BEAN1: variants seen among roughly 807,000 people sequenced by gnomAD.
BEAN1 encodes brain expressed associated with NEDD4 1, also known as protein BEAN1.
A neutral mutation model predicts 17.7 loss-of-function variants in BEAN1; 17 were observed. The ratio of observed to expected loss-of-function variants is 0.96; its 90% CI spans 0.66 to 1.44. The LOEUF (loss-of-function observed/expected upper bound fraction) is 1.44, where lower values mean the gene tolerates loss of function less well. Ranked by LOEUF, BEAN1 falls within the 40% of genes most tolerant of loss-of-function variation. The pLI is 0.00. For missense variants in BEAN1, 359 were observed against 374.1 expected, an observed-to-expected ratio of 0.96 and a Z score of 0.33; for synonymous variants, 142 against 151.8, an observed-to-expected ratio of 0.94 and a Z score of 0.47.
exon 5 of BEAN1, chr16:66,493,419 C>T: frequency 1.6e-6 from 1 of 618,752 alleles, no homozygotes; most frequent in Non-Finnish European, 2.9e-6. Flanking sequence ...AACAGCCTCC[C>T]CAGTGGCTCT....
downstream of BEAN1, chr16:66,484,645 T>C (rs1964059818): frequency 6.6e-6 from 3 of 453,816 alleles, no homozygotes; most frequent in Non-Finnish European, 1.3e-5. The surrounding 1 kb of genome is among the most constrained non-coding windows in gnomAD (Gnocchi z 4.2). Context: ...GAGAGTTTGG[T>C]TAGGGAAGTG....
At chr16:66,491,646 T>C (rs1005561407) in intron 4 of BEAN1, among the ~76,000 whole-genome samples, 3 of 151,932 alleles carry the variant, frequency 2.0e-5, no homozygotes, top group African/African-American at 4.8e-5. Context: ...ACAGACAGGG[T>C]GGAGGGATGG....
chr16:66,431,189 G>T (rs138878514), intron 1 of BEAN1, among the ~76,000 whole-genome samples: 1 of 152,110 alleles, frequency 6.6e-6, no homozygotes, highest in African/African-American at 2.4e-5. Context: ...AGAACACCCC[G>T]GCATGGTGGC....
At chr16:66,432,916 A>T (rs1297062666) in intron 1 of BEAN1, among the ~76,000 whole-genome samples, 4 of 152,002 alleles carry the variant, frequency 2.6e-5, no homozygotes, top group Non-Finnish European at 5.9e-5. Flanking sequence ...GTATCTAACC[A>T]TCTAACAGTG....
chr16:66,447,466 C>A (rs1393483842), intron 2 of BEAN1, among the ~76,000 whole-genome samples: 1 of 152,160 alleles, frequency 6.6e-6, no homozygotes, highest in Admixed American at 6.5e-5. Context: ...TCTTTTCTTT[C>A]TTTTTCAGAG....
Position 66,489,272 on chromosome 16 carries a change from A to G in BEAN1, c.148-3690A>G, listed in dbSNP as rs991873494. ...TGCAGCATCAATAGGAAACGAATACACTTGGGTTCCAATCCCAGCTCTTGC... is the reference window on the plus strand; with the variant it reads ...TGCAGCATCAATAGGAAACGAATACGCTTGGGTTCCAATCCCAGCTCTTGC... On this transcript the variant is annotated intron_variant, in intron 4 of 4. Coordinates refer to the BEAN1 transcript ENST00000561796. Among the ~76,000 whole-genome samples the G allele has an allele frequency of 1.2e-4, 19 of 152,214 alleles. 1 individual carries two copies. Among genetic ancestry groups the G allele is most frequent in the Non-Finnish European group, 1.5e-5 (1 of 68,042 alleles).
chr16:66,449,228 G>A (rs1962574224), intron 2 of BEAN1, among the ~76,000 whole-genome samples: 1 of 151,946 alleles, frequency 6.6e-6, no homozygotes, highest in Non-Finnish European at 1.5e-5. Flanking sequence ...ACCCATGTGA[G>A]TGCACCACTG....
chr16:66,430,512 T>C (rs1249916975), intron 1 of BEAN1, among the ~76,000 whole-genome samples: 1 of 152,248 alleles, frequency 6.6e-6, no homozygotes, highest in Non-Finnish European at 1.5e-5. Flanking sequence ...TTAGATGATA[T>C]GTAATCAGTT....
intron 2 of BEAN1, among the ~76,000 whole-genome samples, chr16:66,443,499 A>G (rs1381316086): frequency 2.0e-5 from 3 of 152,186 alleles, no homozygotes; most frequent in Non-Finnish European, 2.9e-5. Context: ...ACAAGGGTGG[A>G]GCCAAATCTA....
intron 2 of BEAN1, among the ~76,000 whole-genome samples, chr16:66,449,819 C>T (rs1296627265): frequency 6.6e-6 from 1 of 152,132 alleles, no homozygotes; most frequent in Non-Finnish European, 1.5e-5. Flanking sequence ...TGTGGCATTG[C>T]TCCCATATTA....
chr16:66,474,593 G>A (rs1372930234), intron 3 of BEAN1, among the ~76,000 whole-genome samples: 383 of 16,864 alleles, frequency 0.023, 1 homozygote, highest in East Asian at 0.037. Flanking sequence ...AGGGAGGGAG[G>A]GAGGGAGGGA....
intron 3 of BEAN1, among the ~76,000 whole-genome samples, chr16:66,474,156 G>T (rs1409454790): frequency 6.6e-6 from 1 of 152,170 alleles, no homozygotes; most frequent in East Asian, 1.9e-4. Flanking sequence ...CTTTGCCTCA[G>T]GCGAGTCATC....
intron 1 of BEAN1, among the ~76,000 whole-genome samples, chr16:66,430,315 T>G (rs1015930539): frequency 1.3e-5 from 2 of 152,222 alleles, no homozygotes; most frequent in African/African-American, 4.8e-5. Flanking sequence ...ATGCATTTTC[T>G]CTTTGAATTC....
intron 2 of BEAN1, among the ~76,000 whole-genome samples, chr16:66,463,931 G>A (rs1476090670): frequency 1.3e-5 from 2 of 152,084 alleles, no homozygotes; most frequent in African/African-American, 4.8e-5. Context: ...AAAATCCACT[G>A]ACCATAAATA....
intron 1 of BEAN1, among the ~76,000 whole-genome samples, chr16:66,428,763 T>G (rs1352465334): frequency 6.6e-6 from 1 of 152,200 alleles, no homozygotes; most frequent in African/African-American, 2.4e-5. Context: ...CAGTAGATGC[T>G]GAGATTCAGT....
intron 2 of BEAN1, among the ~76,000 whole-genome samples, chr16:66,440,245 T>G (rs1962202881): frequency 6.7e-6 from 1 of 148,918 alleles, no homozygotes; most frequent in African/African-American, 2.5e-5. Flanking sequence ...TTCTCCTGAC[T>G]CAGCCTCCCA....
chr16:66,474,112 C>G (rs1158569458), intron 3 of BEAN1, among the ~76,000 whole-genome samples: 2 of 152,184 alleles, frequency 1.3e-5, no homozygotes, highest in Non-Finnish European at 2.9e-5. Context: ...TTCCTACTTC[C>G]TATGCGCATC....
chr16:66,470,416 T>TGAG (rs1226953368), intron 3 of BEAN1, among the ~76,000 whole-genome samples: 2 of 151,080 alleles, frequency 1.3e-5, no homozygotes, highest in Non-Finnish European at 2.9e-5. Context: ...GATGGATGAA[T>TGAG]GAGAAAATGG....
At position 66,434,210 on chromosome 16, in the gene BEAN1, C is replaced by T. The variant is rs1567480421; in HGVS notation, c.-82-3385C>T. On this transcript the variant is annotated intron_variant, in intron 1 of 4. Coordinates refer to ENST00000536005, the MANE Select transcript of BEAN1 (RefSeq NM_001178020.3). This position sits in a 1 kb window ranked among gnomAD's most constrained non-coding sequence, Gnocchi z 4.3. ...CTAGCAGCTGGGGTGGGCCTGCCCC[C>T]GACCCCGACCCCAACCCCGACCCCG... Among the ~76,000 whole-genome samples, 1 of 150,150 alleles carries T rather than the reference C, an allele frequency of 6.7e-6. No individual in the cohort carries two copies. The highest frequency in any genetic ancestry group is 1.5e-5 in the Non-Finnish European group (1 of 67,582).
Sources: gnomAD v4.1 joint callset for allele counts (sites outside exome capture counted in the v4.1 genomes callset) on GRCh38, gnomAD v4.1.1 for gene constraint, Gnocchi (gnomAD v3.1) non-coding constraint, MANE v1.5 for transcripts, NCBI Gene and HGNC (gene_info 2026-07-23, HGNC 2026-07-21) for gene names.